Variants in TNNI3K observed in about 807,000 individuals in gnomAD.
TNNI3K encodes serine/threonine-protein kinase TNNI3K.
TNNI3K carries 140 observed loss-of-function variants against 114.5 expected under a neutral mutation model. That is an observed-to-expected ratio of 1.22 (90% CI 1.07 to 1.41). The LOEUF (loss-of-function observed/expected upper bound fraction) is 1.41, where lower values mean the gene tolerates loss of function less well. Among genes scored for constraint, TNNI3K ranks in the 40% most tolerant of loss-of-function variants. The pLI is 0.00. For synonymous variants in TNNI3K, 347 were observed against 347.5 expected (o/e 1.00, Z 0.02); for missense variants, 1,125 against 1,007.6 (o/e 1.12, Z -1.58).
At chr1:74,320,255 G>A (rs1659536038) in intron 5 of TNNI3K, among the ~76,000 whole-genome samples, 1 of 152,008 alleles carries the variant, frequency 6.6e-6, no homozygotes, top group Non-Finnish European at 1.5e-5. Context: ...TAGATGATGT[G>A]TGTTCTTCAT....
chr1:74,423,681 T>C (rs932507840), intron 17 of TNNI3K, among the ~76,000 whole-genome samples: 2 of 152,156 alleles, frequency 1.3e-5, no homozygotes, highest in Non-Finnish European at 1.5e-5. Context: ...CATTTCTTCA[T>C]ATGGTTTAAC....
intron 22 of TNNI3K, among the ~76,000 whole-genome samples, chr1:74,490,902 A>G (rs1332925897): frequency 1.3e-5 from 2 of 152,222 alleles, no homozygotes; most frequent in African/African-American, 4.8e-5. Context: ...AAAAATAATA[A>G]AAGTATCAAA....
chr1:74,504,775 G>C (rs1261784966), intron 23 of TNNI3K, among the ~76,000 whole-genome samples: 1 of 152,052 alleles, frequency 6.6e-6, no homozygotes, highest in Non-Finnish European at 1.5e-5. Flanking sequence ...TGGCTATTCT[G>C]ATGCTGTAAT....
At chr1:74,510,766 T>A (rs1670148139) in intron 23 of TNNI3K, among the ~76,000 whole-genome samples, 1 of 152,230 alleles carries the variant, frequency 6.6e-6, no homozygotes. Flanking sequence ...ATCAACTAGC[T>A]CACAAATGTG....
At chr1:74,286,020 C>T (rs569456292) in intron 5 of TNNI3K, among the ~76,000 whole-genome samples, 3 of 152,134 alleles carry the variant, frequency 2.0e-5, no homozygotes, top group Non-Finnish European at 2.9e-5. Context: ...AATACCTTCA[C>T]AAGAGCTAAG....
intron 17 of TNNI3K, 94 bp downstream of exon 17, chr1:74,370,486 A>T (rs1662538330): frequency 1.8e-6 from 2 of 1,095,686 alleles, no homozygotes; most frequent in Non-Finnish European, 2.6e-6. Flanking sequence ...CTTATTGCAG[A>T]TCAGGGTACT....
intron 11 of TNNI3K, among the ~76,000 whole-genome samples, chr1:74,362,749 T>C (rs868832260): frequency 3.3e-5 from 5 of 151,932 alleles, no homozygotes; most frequent in South Asian, 2.1e-4. Flanking sequence ...GCAAAGAGGA[T>C]TTAACAGGGG....
At chr1:74,372,563 TAACA>T (rs1436534457) in intron 17 of TNNI3K, 1 of 151,954 alleles carries the variant, frequency 6.6e-6, no homozygotes, top group Non-Finnish European at 1.5e-5. Flanking sequence ...ACATTTACGT[TAACA>T]AACATTTAAC....
chr1:74,314,518 A>G (rs1362679988), intron 5 of TNNI3K, among the ~76,000 whole-genome samples: 1 of 152,136 alleles, frequency 6.6e-6, no homozygotes, highest in Non-Finnish European at 1.5e-5. Flanking sequence ...GAAAAAAATG[A>G]AAGTAGAGTC....
At chr1:74,302,113 C>A (rs1177169254) in intron 5 of TNNI3K, among the ~76,000 whole-genome samples, 2 of 152,198 alleles carry the variant, frequency 1.3e-5, no homozygotes, top group African/African-American at 2.4e-5. Flanking sequence ...CATTTCATGT[C>A]CCTGTGTCAC....
At chr1:74,531,754 G>A (rs1187487858) in intron 23 of TNNI3K, among the ~76,000 whole-genome samples, 1 of 152,194 alleles carries the variant, frequency 6.6e-6, no homozygotes, top group Non-Finnish European at 1.5e-5. Context: ...GTTTCCTTTT[G>A]AGTATAAGAG....
intron 17 of TNNI3K, chr1:74,371,318 C>G (rs558161753): frequency 2.5e-4 from 38 of 151,882 alleles, no homozygotes; most frequent in African/African-American, 9.2e-4. Flanking sequence ...GTAGAGCTTA[C>G]AAAGTGGGAC....
chr1:74,417,020 T>G (rs962424900), intron 17 of TNNI3K, among the ~76,000 whole-genome samples: 9 of 152,084 alleles, frequency 5.9e-5, no homozygotes, highest in Non-Finnish European at 1.3e-4. Context: ...TCATCTCCAC[T>G]GAATGTTTAA....
chr1:74,345,099 G>A (rs1660934490), intron 9 of TNNI3K, among the ~76,000 whole-genome samples: 1 of 151,946 alleles, frequency 6.6e-6, no homozygotes, highest in African/African-American at 2.4e-5. Flanking sequence ...ACACATATAT[G>A]TGCATATATT....
chr1:74,529,048 G>T (rs542304327), intron 23 of TNNI3K, among the ~76,000 whole-genome samples: 3 of 152,150 alleles, frequency 2.0e-5, no homozygotes, highest in African/African-American at 7.2e-5. Context: ...TGATGACAGT[G>T]ACATCAATAA....
intron 5 of TNNI3K, among the ~76,000 whole-genome samples, chr1:74,316,297 C>T (rs757488287): frequency 3.3e-5 from 5 of 152,176 alleles, no homozygotes; most frequent in African/African-American, 4.8e-5. Context: ...TTTCCTCTGC[C>T]TTTTCTCCAT....
chr1:74,252,599 T>C (rs1464878300), intron 4 of TNNI3K, among the ~76,000 whole-genome samples: 1 of 152,150 alleles, frequency 6.6e-6, no homozygotes, highest in Non-Finnish European at 1.5e-5. Context: ...TTGTTCCTTC[T>C]GATGTTTGGA....
intron 23 of TNNI3K, among the ~76,000 whole-genome samples, chr1:74,492,941 C>A (rs1229067751): frequency 2.0e-5 from 3 of 152,268 alleles, no homozygotes; most frequent in Non-Finnish European, 4.4e-5. Flanking sequence ...TTCTAGAAAT[C>A]CACCTTTTTT....
intron 4 of TNNI3K, among the ~76,000 whole-genome samples, chr1:74,253,258 G>A (rs1416130040): frequency 6.6e-6 from 1 of 152,166 alleles, no homozygotes; most frequent in Non-Finnish European, 1.5e-5. Flanking sequence ...CTAGACTCAG[G>A]AGCCCAGCTG....
Sources: allele counts gnomAD v4.1 joint callset (sites outside exome capture counted in the v4.1 genomes callset), GRCh38; gene constraint gnomAD v4.1.1; transcripts MANE v1.5; gene names NCBI Gene and HGNC (gene_info 2026-07-23, HGNC 2026-07-21).